Variants in MAP7 observed in about 807,000 individuals in gnomAD.
MAP7 encodes ensconsin.
In MAP7, 52 loss-of-function variants were observed where a neutral mutation model predicts 94.8. The ratio of observed to expected loss-of-function variants is 0.55; its 90% CI spans 0.44 to 0.69. MAP7 has a LOEUF of 0.69. Ranked by LOEUF, MAP7 falls within the 30% of genes least tolerant of loss-of-function variation. The pLI is 0.00. For missense variants in MAP7, 940 were observed against 964.6 expected, an observed-to-expected ratio of 0.97 and a Z score of 0.34; for synonymous variants, 350 against 357.0, an observed-to-expected ratio of 0.98 and a Z score of 0.22.
chr6:136,467,704 G>A (rs890854695), intron 1 of MAP7, among the ~76,000 whole-genome samples: 3 of 152,120 alleles, frequency 2.0e-5, no homozygotes, highest in Non-Finnish European at 4.4e-5. Context: ...AGTGGGAACC[G>A]AGGAGAAAGG....
intron 1 of MAP7, among the ~76,000 whole-genome samples, chr6:136,432,294 T>C (rs544194419): frequency 1.3e-5 from 2 of 152,344 alleles, no homozygotes; most frequent in South Asian, 4.1e-4. Context: ...TCTTATTCAG[T>C]AACTCTTTTA....
chr6:136,366,245 G>A, intron 9 of MAP7, 82 bp downstream of exon 9: 1 of 1,215,316 alleles, frequency 8.2e-7, no homozygotes, highest in Non-Finnish European at 1.2e-6. Context: ...AACAGCATGA[G>A]AAGAACAGTT....
intron 1 of MAP7, chr6:136,466,848 T>C: frequency 1.3e-6 from 2 of 1,532,920 alleles, no homozygotes; most frequent in Admixed American, 2.0e-5. Flanking sequence ...TTGCTTTGTG[T>C]CCCTCAGCCA....
rs1451460999 is a variant in MAP7, at chr6:136,413,674, C to T, written c.167-1977G>A. On this transcript the variant is annotated intron_variant, in intron 2 of 17. Transcript: ENST00000354570. ...TCATCCAGGCAGGAGTGCTGTGGCA[C>T]GATCATGGCTTACTGCAGCCTTGAC... Among the ~76,000 whole-genome samples, 5 of 152,086 alleles carry T rather than the reference C, an allele frequency of 3.3e-5. No homozygotes were observed. The East Asian group carries it at 9.7e-4, about 29-fold the overall frequency.
At chr6:136,505,917 A>G (rs1043522780) in intron 1 of MAP7, among the ~76,000 whole-genome samples, 1 of 152,196 alleles carries the variant, frequency 6.6e-6, no homozygotes, top group African/African-American at 2.4e-5. Flanking sequence ...TTGCCTGTGA[A>G]GTGTATGTTG....
chr6:136,422,718 G>A (rs530552825), intron 1 of MAP7, among the ~76,000 whole-genome samples: 9 of 152,102 alleles, frequency 5.9e-5, no homozygotes, highest in East Asian at 3.9e-4. Context: ...GTTAAATTTC[G>A]TAAAATAAAA....
rs541634058 is a variant in MAP7 at position 136,436,392 on chromosome 6, T to C, written c.68-14593A>G. Among the ~76,000 whole-genome samples the C allele has an allele frequency of 7.9e-5, 12 of 152,188 alleles. No individual in the cohort carries two copies. The South Asian group carries it at 2.5e-3, about 32-fold the overall frequency. ...TATTCTAAAAGATGATTTTTTTTTT[T>C]TTTTAAAGATGGGGTCTCACTCTGT... On this transcript the variant is annotated intron_variant, in intron 1 of 17. Coordinates refer to ENST00000354570, the MANE Select transcript of MAP7 (RefSeq NM_003980.6).
rs1188987086 is a variant in MAP7, at chr6:136,497,984, C to T, written c.67+52358G>A. On this transcript the variant is annotated intron_variant, in intron 1 of 17. Transcript: ENST00000354570. The stretch of plus-strand genomic sequence containing the variant: ...AGGCATTAGACCTGACTCCTGACCA[C>T]ATATCCTTAACTTTGACAAATAAAC... Among the ~76,000 whole-genome samples the T allele has an allele frequency of 3.3e-5, 5 of 151,944 alleles. 1 individual carries two copies. The South Asian group carries it at 6.2e-4, about 19-fold the overall frequency.
At chr6:136,381,979 G>A (rs1777922731) in intron 6 of MAP7, among the ~76,000 whole-genome samples, 2 of 150,548 alleles carry the variant, frequency 1.3e-5, no homozygotes, top group Admixed American at 6.6e-5. Context: ...CACCCATGAA[G>A]GTGAGAACTG....
chr6:136,448,600 A>T (rs1800078633), intron 1 of MAP7, among the ~76,000 whole-genome samples: 1 of 151,920 alleles, frequency 6.6e-6, no homozygotes, highest in Non-Finnish European at 1.5e-5. Flanking sequence ...TTTTTACTAG[A>T]GACAGGGTTT....
chr6:136,496,972 A>G (rs554987910), intron 1 of MAP7, among the ~76,000 whole-genome samples: 9 of 151,964 alleles, frequency 5.9e-5, no homozygotes, highest in Middle Eastern at 3.4e-3. Flanking sequence ...AAATAAATGA[A>G]TAAAATAAAG....
chr6:136,489,224 G>A (rs13192940), intron 1 of MAP7, among the ~76,000 whole-genome samples: 1 of 151,904 alleles, frequency 6.6e-6, no homozygotes, highest in East Asian at 1.9e-4. Context: ...TGGGGGGAAG[G>A]GGAACCAATG....
At chr6:136,356,337 A>T (rs1254118427) in intron 16 of MAP7, among the ~76,000 whole-genome samples, 1 of 150,520 alleles carries the variant, frequency 6.6e-6, no homozygotes, top group Admixed American at 6.6e-5. Context: ...TAGTTTTGCT[A>T]TTTTTTTTTG....
At chr6:136,407,718 C>G (rs1786072246) in intron 3 of MAP7, among the ~76,000 whole-genome samples, 1 of 152,124 alleles carries the variant, frequency 6.6e-6, no homozygotes, top group African/African-American at 2.4e-5. Flanking sequence ...TACAAGTGGC[C>G]CAATATGCCA....
intron 1 of MAP7, among the ~76,000 whole-genome samples, chr6:136,442,366 C>CT (rs1469699100): frequency 6.9e-6 from 1 of 145,808 alleles, no homozygotes; most frequent in Non-Finnish European, 1.5e-5. Context: ...GATCACACCA[C>CT]TGCACTCCAG....
intron 3 of MAP7, among the ~76,000 whole-genome samples, chr6:136,395,569 T>C (rs954271300): frequency 5.3e-5 from 8 of 152,140 alleles, no homozygotes; most frequent in Non-Finnish European, 7.4e-5. Context: ...CATGTAATCC[T>C]ATTTGTCTAT....
chr6:136,446,864 A>G (rs111859073), intron 1 of MAP7, among the ~76,000 whole-genome samples: 2,940 of 152,334 alleles, frequency 0.019, 91 homozygotes, highest in African/African-American at 0.067. Context: ...TCTGTTTTCA[A>G]TGTTTTATTA....
At chr6:136,418,504 C>T (rs1200385501) in intron 2 of MAP7, among the ~76,000 whole-genome samples, 4 of 152,294 alleles carry the variant, frequency 2.6e-5, no homozygotes, top group South Asian at 2.1e-4. Context: ...CGTGAGCCAC[C>T]GGCGCCTGGC....
chr6:136,407,073 T>A (rs1208300615), intron 3 of MAP7, among the ~76,000 whole-genome samples: 1 of 152,230 alleles, frequency 6.6e-6, no homozygotes, highest in Non-Finnish European at 1.5e-5. Context: ...TTATACATAG[T>A]GAAGTGTTTA....
Sources: allele counts gnomAD v4.1 joint callset (sites outside exome capture counted in the v4.1 genomes callset), GRCh38; gene constraint gnomAD v4.1.1; transcripts MANE v1.5; gene names NCBI Gene and HGNC (gene_info 2026-07-23, HGNC 2026-07-21).